DIDO1: variants seen among roughly 807,000 people sequenced by gnomAD.
The protein encoded by DIDO1 is death-inducer obliterator 1.
DIDO1 carries 16 observed loss-of-function variants against 99.4 expected under a neutral mutation model. The ratio of observed to expected loss-of-function variants is 0.16; its 90% CI spans 0.11 to 0.24. The LOEUF is 0.24. Among genes scored for constraint, DIDO1 ranks in the 10% least tolerant of loss-of-function variants. DIDO1 has a pLI of 1.00. For synonymous variants in DIDO1, 1,366 were observed against 1,239.1 expected, an observed-to-expected ratio of 1.10 and a Z score of -2.15; for missense variants, 2,996 against 3,014.0, an observed-to-expected ratio of 0.99 and a Z score of 0.14.
chr20:62,896,110 G>A lies in DIDO1; in HGVS notation c.2214+123C>T, dbSNP rs897060757. The A allele has an allele frequency of 9.3e-7, 1 of 1,080,150 alleles. No individual in the cohort carries two copies. Among genetic ancestry groups the A allele is most frequent in the Non-Finnish European group, 1.3e-6 (1 of 749,916 alleles). The allele number at this position is 1,080,150 out of a possible 1,614,324, so 66.9% of individuals were successfully genotyped here. A position where few individuals can be genotyped will look rare whatever the true frequency, so the allele number is the denominator to read the frequency against. Reference sequence around the variant, plus strand: ...ATACGTGGGCGGCAGAAGGATCACAGAGGAGAAAGAAACGTCTTAGCTTTC... The same window carrying A: ...ATACGTGGGCGGCAGAAGGATCACAAAGGAGAAAGAAACGTCTTAGCTTTC... On this transcript the variant is annotated intron_variant, in intron 8 of 15. Transcript: ENST00000395343. This position sits in a 1 kb window ranked among gnomAD's most constrained non-coding sequence, Gnocchi z 4.4.
At chr20:62,936,707 T>C (rs2065389419) in intron 1 of DIDO1, among the ~76,000 whole-genome samples, 2 of 146,544 alleles carry the variant, frequency 1.4e-5, no homozygotes, top group South Asian at 4.3e-4. Flanking sequence ...CTACTAAAAA[T>C]ACAAAAATTA....
At position 62,879,611 on chromosome 20, in the gene DIDO1, TCTC is replaced by T. The variant is rs1448539854; in HGVS notation, c.6342_6344del (p.Arg2115del). ...TCCAGTTTCGGCCGCGCTCGCGCTC[TCTC>T]CTCCTGTCCTCGGACGCCCGGCCCT... On this transcript the variant is annotated inframe_deletion, in exon 16 of 16. Transcript: ENST00000395343. This position sits in a 1 kb window ranked among gnomAD's most constrained non-coding sequence, Gnocchi z 6.3. 5.0e-6 allele frequency: 8 copies of T among 1,604,654 alleles called. No homozygotes were observed. The highest frequency in any genetic ancestry group is 5.9e-6 in the Non-Finnish European group (7 of 1,179,712).
Position 62,881,143 on chromosome 20 carries a change from G to A in DIDO1, c.4813C>T (p.Pro1605Ser), listed in dbSNP as rs543055543. 6.2e-7 allele frequency: 1 copy of A among 1,608,646 alleles called. No homozygotes were observed. Among genetic ancestry groups the A allele is most frequent in the South Asian group, 1.1e-5 (1 of 90,976 alleles). The part of the protein sequence containing the change: ...ASRGGLVGQA[P>S]MPVPEEKEPA... ...TCTTTTTCCTCCGGGACTGGCATGGGCGCCTGGCCCACGAGGCCACCCCTG... is the reference window on the plus strand; with the variant it reads ...TCTTTTTCCTCCGGGACTGGCATGGACGCCTGGCCCACGAGGCCACCCCTG... Residue 1605 changes from proline (P) to serine (S), a missense_variant, in exon 16 of 16, where the codon CCC (proline) becomes TCC (serine). Around this residue, in one of 5 missense-constraint regions of DIDO1, gnomAD observed 1,562 missense variants for 1,412.6 expected, o/e 1.11. Coordinates refer to ENST00000395343, the MANE Select transcript of DIDO1 (RefSeq NM_001193369.2). The surrounding 1 kb of genome is among the most constrained non-coding windows in gnomAD (Gnocchi z 8.3).
At chr20:62,891,762 CTT>C (rs5842402) in intron 14 of DIDO1, among the ~76,000 whole-genome samples, 16 of 148,746 alleles carry the variant, frequency 1.1e-4, no homozygotes, top group Admixed American at 2.7e-4. Flanking sequence ...ACTATGTAAA[CTT>C]TTTTTTTTTT....
intron 3 of DIDO1, among the ~76,000 whole-genome samples, chr20:62,910,458 C>G (rs1448293404): frequency 6.6e-6 from 1 of 152,170 alleles, no homozygotes; most frequent in Non-Finnish European, 1.5e-5. Flanking sequence ...CAGACAGACC[C>G]CGGAGTGACG....
At chr20:62,910,323 T>A (rs1006488080) in intron 3 of DIDO1, among the ~76,000 whole-genome samples, 1 of 152,230 alleles carries the variant, frequency 6.6e-6, no homozygotes, top group Non-Finnish European at 1.5e-5. Context: ...AGGCTGCCTA[T>A]CACCGTCTGA....
chr20:62,894,208 G>T lies in DIDO1; in HGVS notation c.2573-14C>A. ...AGGGAACCTGGCCTGAAGAAGGCGA[G>T]GAAAGGCTCTGTGAGAAACCCAGCC... is the stretch of plus-strand genomic sequence containing the variant. On this transcript the variant is annotated splice_polypyrimidine_tract_variant and intron_variant, in intron 11 of 15. Transcript: ENST00000395343. The surrounding 1 kb of genome is among the most constrained non-coding windows in gnomAD (Gnocchi z 4.4). 1 of 1,607,074 alleles carries T rather than the reference G, an allele frequency of 6.2e-7. No homozygotes were observed.
chr20:62,927,259 A>G (rs2065272593), upstream of DIDO1, among the ~76,000 whole-genome samples: 1 of 152,214 alleles, frequency 6.6e-6, no homozygotes, highest in African/African-American at 2.4e-5. Context: ...AGTAGCTAGA[A>G]CTCAAAGAAC....
At chr20:62,888,147 A>C in intron 15 of DIDO1, 1 of 985,492 alleles carries the variant, frequency 1.0e-6, no homozygotes, top group Non-Finnish European at 1.2e-6. Flanking sequence ...TCACTTGCTT[A>C]AGTGTGAACA....
rs147347555 is a variant in DIDO1, at chr20:62,895,074, G to A, written c.2306C>T (p.Thr769Met). The change falls in exon 9 of 16, where the codon ACG becomes ATG. Residue 769 changes from threonine (T) to methionine (M), a missense_variant. Transcript: ENST00000395343. ...PEELVSKELS[T>M]WKERPARSVM... ...AGATCTCGCTGGCCTCTCTTTCCAC[G>A]TGGAAAGCTCTTTAGATACAAGTTC... 1.7e-5 allele frequency: 27 copies of A among 1,610,410 alleles called. No individual in the cohort carries two copies. Among genetic ancestry groups the A allele is most frequent in the Middle Eastern group, 3.3e-4 (2 of 6,076 alleles).
At position 62,881,246 on chromosome 20, in the gene DIDO1, G is replaced by A. The variant is rs770742142; in HGVS notation, c.4710C>T (p.Thr1570=). The stretch of plus-strand genomic sequence containing the variant: ...AGAGAGGCTCCCCCTCCCCCTCACC[G>A]GTCTCAGTGGCCAGGCGCCTCGCCT... ...PRQARRLATE[T]GEGEGEPLSR... The change falls in exon 16 of 16, where the codon ACC becomes ACT. Residue 1570 remains threonine (T), a synonymous_variant. Transcript: ENST00000395343. The surrounding 1 kb of genome is among the most constrained non-coding windows in gnomAD (Gnocchi z 8.3). 1.1e-5 allele frequency: 18 copies of A among 1,602,260 alleles called. No homozygotes were observed. The highest frequency in any genetic ancestry group is 6.6e-5 in the South Asian group (6 of 90,462).
rs941647941 is a variant in DIDO1, at chr20:62,892,035, C to T, written c.3297G>A (p.Pro1099=). 5 of 1,613,428 alleles carry T rather than the reference C, an allele frequency of 3.1e-6. No individual in the cohort carries two copies. Among genetic ancestry groups the T allele is most frequent in the Non-Finnish European group, 3.4e-6 (4 of 1,179,920 alleles). Residue 1099 remains proline (P), a synonymous_variant, in exon 14 of 16, where the codon CCG becomes CCA. Coordinates refer to ENST00000395343, the MANE Select transcript of DIDO1 (RefSeq NM_001193369.2). ...TGCCAACATAATCCCAAACTGTCTT[C>T]GGTGCGATCCTCCCACCAATGTGAA... is the stretch of plus-strand genomic sequence containing the variant. ...DTIHIGGRIA[P]KTVWDYVGKL...
chr20:62,879,934 G>T lies in DIDO1; in HGVS notation c.6022C>A (p.Arg2008=). ...FSEKNEQTPS[R]FHFQGQAPQV... is the part of the protein sequence containing the mutation. ...GGGGCCTGGCCCTGGAAGTGAAATC[G>T]CGAAGGGGTCTGCTCATTTTTTTCA... Residue 2008 remains arginine (R), a synonymous_variant, in exon 16 of 16, where the codon CGA becomes AGA. Coordinates refer to ENST00000395343, the MANE Select transcript of DIDO1 (RefSeq NM_001193369.2). The surrounding 1 kb of genome is among the most constrained non-coding windows in gnomAD (Gnocchi z 6.3). 1 of 1,598,928 alleles carries T rather than the reference G, an allele frequency of 6.3e-7. No individual in the cohort carries two copies. The highest frequency in any genetic ancestry group is 8.5e-7 in the Non-Finnish European group (1 of 1,174,346).
At chr20:62,891,917 G>T in intron 14 of DIDO1, 70 bp downstream of exon 14, 1 of 1,300,212 alleles carries the variant, frequency 7.7e-7, no homozygotes, top group South Asian at 1.4e-5. Flanking sequence ...CCAAACGAGA[G>T]GTTAAAAAAA....
Position 62,890,966 on chromosome 20 carries a change from C to G in DIDO1, c.3535G>C (p.Gly1179Arg). 1 of 1,613,904 alleles carries G rather than the reference C, an allele frequency of 6.2e-7. No homozygotes were observed. The highest frequency in any genetic ancestry group is 1.1e-5 in the South Asian group (1 of 91,072). ...PVPSKLLPFE[G>R]PGLESPRPNI... ...CCAGAAAGCCGGCGCTTACCTGGTC[C>G]CTCAAAGGGCAAGAGTTTGGATGGA... The change falls in exon 15 of 16, where the codon GGA (glycine) becomes CGA (arginine). Residue 1179 changes from glycine (G) to arginine (R), a missense_variant. Coordinates refer to ENST00000395343, the MANE Select transcript of DIDO1 (RefSeq NM_001193369.2).
intron 6 of DIDO1, among the ~76,000 whole-genome samples, chr20:62,897,274 G>A (rs1480562408): frequency 6.6e-6 from 1 of 152,176 alleles, no homozygotes; most frequent in East Asian, 1.9e-4. Context: ...AGTTATTAAA[G>A]GCTTGACTTG....
chr20:62,929,265 A>C (rs1395524009), upstream of DIDO1: 1 of 151,332 alleles, frequency 6.6e-6, no homozygotes, highest in Non-Finnish European at 1.5e-5. Flanking sequence ...GCGGCCAAGG[A>C]CAGGGCCCCC....
At chr20:62,919,639 A>G (rs946049416) in intron 1 of DIDO1, among the ~76,000 whole-genome samples, 4 of 152,234 alleles carry the variant, frequency 2.6e-5, no homozygotes, top group African/African-American at 9.6e-5. Flanking sequence ...TTGTTGTTTT[A>G]CATTTCTTGG....
intron 1 of DIDO1, among the ~76,000 whole-genome samples, chr20:62,919,568 G>A (rs1442370256): frequency 6.6e-6 from 1 of 152,012 alleles, no homozygotes; most frequent in Admixed American, 6.5e-5. Context: ...AGCAGCAAGG[G>A]TGCCACAACA....
Sources: allele counts gnomAD v4.1 joint callset (sites outside exome capture counted in the v4.1 genomes callset), GRCh38; gene constraint gnomAD v4.1.1; regional missense constraint gnomAD v4.1.1; non-coding constraint Gnocchi (gnomAD v3.1); transcripts MANE v1.5; gene names NCBI Gene and HGNC (gene_info 2026-07-23, HGNC 2026-07-21).